Variants in MACF1 observed in about 807,000 individuals in gnomAD.
MACF1 encodes microtubule actin crosslinking factor 1, also known as microtubule-actin cross-linking factor 1.
Under a neutral mutation model 854.8 loss-of-function variants are expected in MACF1, and 193 were observed. The observed-to-expected ratio is 0.23, with a 90% CI of 0.20 to 0.25. The LOEUF is 0.25. Ranked by LOEUF, MACF1 falls within the 10% of genes least tolerant of loss-of-function variation. The pLI, the probability that MACF1 is intolerant of heterozygous loss-of-function variation, is 1.00. For missense variants in MACF1, 7,722 were observed against 8,929.1 expected (o/e 0.86, Z 5.45); for synonymous variants, 3,185 against 3,226.7 (o/e 0.99, Z 0.44).
chr1:39,225,741 C>G (rs1187386820), intron 1 of MACF1, among the ~76,000 whole-genome samples: 1 of 152,148 alleles, frequency 6.6e-6, no homozygotes, highest in Non-Finnish European at 1.5e-5. Flanking sequence ...CCGTTTTCCT[C>G]TCACATAAGG....
intron 2 of MACF1, among the ~76,000 whole-genome samples, chr1:39,237,492 C>T (rs912456496): frequency 3.3e-5 from 5 of 152,136 alleles, no homozygotes; most frequent in Admixed American, 1.3e-4. Flanking sequence ...AGTGTTATAG[C>T]GTATGAAGCA....
intron 1 of MACF1, among the ~76,000 whole-genome samples, chr1:39,225,677 T>A (rs1038615023): frequency 1.3e-5 from 2 of 152,132 alleles, no homozygotes; most frequent in African/African-American, 4.8e-5. Context: ...TTTATAGCCT[T>A]TGGTGGGGCT....
intron 89 of MACF1, 118 bp from the exon 90 acceptor site, chr1:39,458,252 T>G (rs1045570300): frequency 7.6e-6 from 7 of 920,396 alleles, no homozygotes; most frequent in African/African-American, 1.7e-5. Context: ...GGCACCAGCC[T>G]CCACACAGCC....
chr1:39,430,463 G>A (rs1224112466), intron 65 of MACF1, among the ~76,000 whole-genome samples: 1 of 152,002 alleles, frequency 6.6e-6, no homozygotes, highest in Non-Finnish European at 1.5e-5. Flanking sequence ...AGTATTAGTT[G>A]TTTTACCCAG....
At chr1:39,125,395 A>G (rs1179073288) in intron 2 of MACF1, among the ~76,000 whole-genome samples, 1 of 152,222 alleles carries the variant, frequency 6.6e-6, no homozygotes, top group Non-Finnish European at 1.5e-5. Flanking sequence ...TGGGGAGAAT[A>G]GTTCTTACCT....
chr1:39,195,848 G>T (rs1279525309), intron 2 of MACF1, among the ~76,000 whole-genome samples: 1 of 152,170 alleles, frequency 6.6e-6, no homozygotes, highest in African/African-American at 2.4e-5. Flanking sequence ...GGAGATTACT[G>T]TTGTGGTGAA....
intron 38 of MACF1, among the ~76,000 whole-genome samples, chr1:39,339,012 C>T (rs1222909800): frequency 6.6e-6 from 1 of 152,184 alleles, no homozygotes; most frequent in African/African-American, 2.4e-5. Flanking sequence ...GTCACAGTGG[C>T]TCATGCCTAT....
Position 39,434,516 on chromosome 1 carries a change from T to G in MACF1, c.17668T>G (p.Trp5890Gly). The change falls in exon 69 of 101, where the codon TGG becomes GGG. Residue 5890 changes from tryptophan to glycine, a missense_variant. Around this residue, in one of 15 missense-constraint regions of MACF1, gnomAD observed 2,807 missense variants for 3,235.8 expected, o/e 0.87. Coordinates refer to ENST00000564288, the MANE Select transcript of MACF1 (RefSeq NM_001394062.1). ...GGCCCAGGTCTTAGTAAACCAGTTTTGGGAAACTTATGAAGAGCTCAGCCC... is the reference window on the plus strand; with the variant it reads ...GGCCCAGGTCTTAGTAAACCAGTTTGGGGAAACTTATGAAGAGCTCAGCCC... ...ERAQVLVNQF[W>G]ETYEELSPWI... 1 of 1,614,084 alleles carries G rather than the reference T, an allele frequency of 6.2e-7. No individual in the cohort carries two copies. Among genetic ancestry groups the G allele is most frequent in the Non-Finnish European group, 8.5e-7 (1 of 1,180,004 alleles).
At chr1:39,280,631 G>A (rs1225223948) in intron 6 of MACF1, among the ~76,000 whole-genome samples, 5 of 152,110 alleles carry the variant, frequency 3.3e-5, no homozygotes, top group Non-Finnish European at 7.4e-5. Flanking sequence ...AGGCTAGGGT[G>A]CAGTGGCACA....
Position 39,105,776 on chromosome 1 carries a change from A to G in MACF1, c.220+21338A>G. 9.6e-7 allele frequency: 1 copy of G among 1,038,448 alleles called. No homozygotes were observed. Among genetic ancestry groups the G allele is most frequent in the Non-Finnish European group, 1.2e-6 (1 of 860,314 alleles). The allele number at this position is 1,038,448 out of a possible 1,614,324, so 64.3% of individuals were successfully genotyped here. On this transcript the variant is annotated intron_variant, in intron 2 of 93. Coordinates refer to the MACF1 transcript ENST00000361689. This position sits in a 1 kb window ranked among gnomAD's most constrained non-coding sequence, Gnocchi z 5.9. Reference sequence around the variant, plus strand: ...CGGGCCGGCGCAGCGTGGCCTTCGGAGCCGGTCGGCTCGGCGGCTGCAGGT... The same window carrying G: ...CGGGCCGGCGCAGCGTGGCCTTCGGGGCCGGTCGGCTCGGCGGCTGCAGGT...
In MACF1 at chr1:39,268,891, C is replaced by T. The variant is rs778371926; in HGVS notation, c.528+10863C>T. On this transcript the variant is annotated intron_variant, in intron 6 of 100. Coordinates refer to ENST00000564288, the MANE Select transcript of MACF1 (RefSeq NM_001394062.1). ...GTCATTGAAGAGACTGAAACCCTAA[C>T]GAAGTTAACAGAGAGTCTCCAAAAG... 6 of 1,289,076 alleles carry T rather than the reference C, an allele frequency of 4.7e-6. No homozygotes were observed. The South Asian group carries it at 4.9e-5, about 11-fold the overall frequency. 79.9% of individuals were successfully genotyped at this position (1,289,076 alleles called of 1,614,324 possible).
chr1:39,264,629 G>T (rs1010854713), intron 6 of MACF1, among the ~76,000 whole-genome samples: 1 of 149,862 alleles, frequency 6.7e-6, no homozygotes, highest in Non-Finnish European at 1.5e-5. Context: ...GAGACCGACT[G>T]ACTTTTTTGG....
intron 2 of MACF1, among the ~76,000 whole-genome samples, chr1:39,185,361 C>A (rs573584613): frequency 1.3e-5 from 2 of 151,322 alleles, no homozygotes; most frequent in African/African-American, 4.9e-5. Context: ...CATGGTAGCT[C>A]ACACCTGTAG....
At chr1:39,369,867 A>G (rs1169978627) in intron 50 of MACF1, among the ~76,000 whole-genome samples, 163 bp from the exon 51 acceptor site, 1 of 152,224 alleles carries the variant, frequency 6.6e-6, no homozygotes, top group Non-Finnish European at 1.5e-5. Flanking sequence ...GTACGCTTCA[A>G]TGTTATATGC....
At chr1:39,265,581 A>T (rs369834818) in intron 6 of MACF1, among the ~76,000 whole-genome samples, 1 of 152,252 alleles carries the variant, frequency 6.6e-6, no homozygotes, top group Non-Finnish European at 1.5e-5. Context: ...GGCCAAAATC[A>T]TGTAACACAA....
At chr1:39,269,403 G>C in intron 6 of MACF1, 1 of 1,289,854 alleles carries the variant, frequency 7.8e-7, no homozygotes, top group East Asian at 5.6e-5. Flanking sequence ...CCCTCAGACA[G>C]CTTCCTGGAT....
chr1:39,403,119 A>G (rs1479347670), intron 58 of MACF1, among the ~76,000 whole-genome samples: 1 of 147,072 alleles, frequency 6.8e-6, no homozygotes. Flanking sequence ...TTGTTTTGAG[A>G]TGGAGTCTCG....
intron 58 of MACF1, among the ~76,000 whole-genome samples, chr1:39,408,218 A>G (rs1371188285): frequency 6.6e-6 from 1 of 152,132 alleles, no homozygotes; most frequent in East Asian, 1.9e-4. Context: ...TTCTTCCGTC[A>G]TTGATACCAC....
intron 33 of MACF1, 28 bp downstream of exon 33, chr1:39,323,036 T>C (rs1258101185): frequency 1.3e-6 from 2 of 1,599,326 alleles, no homozygotes; most frequent in African/African-American, 1.3e-5. Flanking sequence ...CAAAGTCATC[T>C]TGAAAGTACA....
Sources: gnomAD v4.1 joint callset for allele counts (sites outside exome capture counted in the v4.1 genomes callset) on GRCh38, gnomAD v4.1.1 for gene constraint, gnomAD v4.1.1 regional missense constraint, Gnocchi (gnomAD v3.1) non-coding constraint, MANE v1.5 for transcripts, NCBI Gene and HGNC (gene_info 2026-07-23, HGNC 2026-07-21) for gene names.